The following ERICH3 variants were observed in gnomAD, a reference collection of about 807,000 sequenced individuals.
The protein encoded by ERICH3 is glutamate rich 3.
Under a neutral mutation model 131.1 loss-of-function variants are expected in ERICH3, and 126 were observed. The ratio of observed to expected loss-of-function variants is 0.96; its 90% CI spans 0.83 to 1.11. The LOEUF is 1.11. Ranked by LOEUF, ERICH3 falls within the 50% of genes most tolerant of loss-of-function variation. ERICH3 has a pLI of 0.00. For missense variants in ERICH3, 2,050 were observed against 1,810.7 expected (o/e 1.13, Z -2.40); for synonymous variants, 695 against 644.6 (o/e 1.08, Z -1.18).
intron 5 of ERICH3, among the ~76,000 whole-genome samples, chr1:74,640,896 G>C (rs866975279): frequency 6.6e-6 from 1 of 152,108 alleles, no homozygotes. Flanking sequence ...CCAGAGGTCA[G>C]AAAATATAGA....
At chr1:74,579,916 T>C in intron 12 of ERICH3, 2 of 980,436 alleles carry the variant, frequency 2.0e-6, no homozygotes, top group Non-Finnish European at 2.4e-6. Context: ...AAGTCAGCTT[T>C]TTTTTTTTCA....
rs758189061 is a variant in ERICH3, at chr1:74,646,713, C to A, written c.197G>T (p.Arg66Leu). 6.7e-7 allele frequency: 1 copy of A among 1,486,020 alleles called. No individual in the cohort carries two copies. The highest frequency in any genetic ancestry group is 1.4e-5 in the African/African-American group (1 of 71,292). The allele number at this position is 1,486,020 out of a possible 1,614,324, so 92.1% of individuals were successfully genotyped here. The change falls in exon 3 of 15, where the codon CGG becomes CTG. Residue 66 changes from arginine (R) to leucine (L), a missense_variant. Arg to Leu is a moderately radical substitution (Grantham distance 102, BLOSUM62 -2). Transcript: ENST00000326665. ...AAAAATTGCCTGGGCTAAGCATTCC[C>A]GGATATATTTTTGATGATCCCGCTT... ...MMKRDHQKYI[R>L]ECLAQAIFHK...
chr1:74,672,777 G>T (rs1437703141), intron 1 of ERICH3, among the ~76,000 whole-genome samples: 4 of 149,346 alleles, frequency 2.7e-5, no homozygotes, highest in Admixed American at 2.0e-4. Flanking sequence ...AATAAAAAAA[G>T]AAACTTTTTT....
intron 3 of ERICH3, among the ~76,000 whole-genome samples, chr1:74,645,804 T>C (rs746578965): frequency 2.3e-4 from 35 of 152,104 alleles, no homozygotes; most frequent in Non-Finnish European, 3.7e-4. Context: ...AGTGAACACT[T>C]CATCTACCTA....
chr1:74,655,250 A>C (rs1213977385), intron 1 of ERICH3, among the ~76,000 whole-genome samples: 1 of 152,222 alleles, frequency 6.6e-6, no homozygotes, highest in Non-Finnish European at 1.5e-5. Flanking sequence ...ATAAATTAAT[A>C]AAGTGTTCAT....
chr1:74,614,471 T>TA (rs1648861812), intron 8 of ERICH3, among the ~76,000 whole-genome samples: 1 of 148,716 alleles, frequency 6.7e-6, no homozygotes, highest in Non-Finnish European at 1.5e-5. Context: ...GGTCAGGAGA[T>TA]AGAGACCATC....
chr1:74,624,032 G>T (rs969770549), intron 7 of ERICH3: 9 of 152,134 alleles, frequency 5.9e-5, no homozygotes, highest in African/African-American at 2.2e-4. Context: ...CATGCCCCCA[G>T]TAACTTGCCA....
At chr1:74,598,484 T>TTTTATTTTTAATGAATA (rs1553163284) in intron 11 of ERICH3, among the ~76,000 whole-genome samples, 1 of 151,636 alleles carries the variant, frequency 6.6e-6, no homozygotes, top group African/African-American at 2.4e-5. Flanking sequence ...AATTAAAAAG[T>TTTTATTTTTAATGAATA]TCTGAATGAC....
At chr1:74,575,919 A>T (rs1024829502) in intron 13 of ERICH3, among the ~76,000 whole-genome samples, 20 of 145,770 alleles carry the variant, frequency 1.4e-4, no homozygotes, top group African/African-American at 5.4e-4. Context: ...TAGTATAAAA[A>T]CATGACTTTT....
chr1:74,653,902 G>A (rs564557790), intron 1 of ERICH3, among the ~76,000 whole-genome samples: 34 of 152,150 alleles, frequency 2.2e-4, no homozygotes, highest in South Asian at 4.1e-4. Context: ...GTTCAATTCT[G>A]GCTCCACCAT....
chr1:74,568,316 T>A lies in ERICH3; in HGVS notation c.*2142A>T, dbSNP rs1646895553. 6.6e-6 allele frequency: 1 copy of A among 152,188 alleles called. No individual in the cohort carries two copies. Among genetic ancestry groups the A allele is most frequent in the Non-Finnish European group, 1.5e-5 (1 of 67,988 alleles). The allele number at this position is 152,188 out of a possible 1,614,324, so 9.4% of individuals were successfully genotyped here. On this transcript the variant is annotated 3_prime_UTR_variant, in exon 15 of 15. Coordinates refer to ENST00000326665, the MANE Select transcript of ERICH3 (RefSeq NM_001002912.5). ...TATGGGATGTTTTGATGGAGTGTGT[T>A]AAATATAAAAGTAATCCAATGCAAT... is the stretch of plus-strand genomic sequence containing the variant.
chr1:74,575,089 C>A (rs1455846967), intron 13 of ERICH3, among the ~76,000 whole-genome samples: 1 of 152,088 alleles, frequency 6.6e-6, no homozygotes, highest in Non-Finnish European at 1.5e-5. Flanking sequence ...AACATCATCA[C>A]CAACAACCTA....
chr1:74,586,274 C>A (rs1290372424), intron 12 of ERICH3: 2 of 565,234 alleles, frequency 3.5e-6, no homozygotes, highest in African/African-American at 2.1e-5. Context: ...AAAAGCAAGT[C>A]TCAGAACAAA....
intron 11 of ERICH3, chr1:74,592,004 CTT>C (rs552100318): frequency 4.0e-4 from 61 of 152,278 alleles, no homozygotes; most frequent in African/African-American, 1.4e-3. Flanking sequence ...CGCTTATCCT[CTT>C]CTCTCCATGC....
intron 11 of ERICH3, 113 bp from the exon 12 acceptor site, chr1:74,590,193 T>A: frequency 1.1e-6 from 1 of 904,858 alleles, no homozygotes; most frequent in Admixed American, 2.9e-5. Context: ...TAGTTTAATA[T>A]AGACCTGATA....
rs149475064 is a variant in ERICH3, at chr1:74,579,907, A to C, written c.2177-2971T>G. 1.0e-3 allele frequency: 1,001 copies of C among 983,494 alleles called. 4 individuals are homozygous for C. The highest frequency in any genetic ancestry group is 8.9e-4 in the Non-Finnish European group (737 of 828,938). The allele number at this position is 983,494 out of a possible 1,614,324, so 60.9% of individuals were successfully genotyped here. On this transcript the variant is annotated intron_variant, in intron 12 of 14. Coordinates refer to ENST00000326665, the MANE Select transcript of ERICH3 (RefSeq NM_001002912.5). ...GTCACACACAGAAAATTTCTTAGAA[A>C]GTCAGCTTTTTTTTTTTCACTCAAA...
At chr1:74,623,087 T>G (rs1649284735) in intron 7 of ERICH3, 1 of 152,190 alleles carries the variant, frequency 6.6e-6, no homozygotes, top group South Asian at 2.1e-4. Context: ...AAATGAAACT[T>G]TAATAAGGTT....
At chr1:74,609,270 C>T (rs1025325060) in intron 9 of ERICH3, among the ~76,000 whole-genome samples, 3 of 152,028 alleles carry the variant, frequency 2.0e-5, no homozygotes, top group Non-Finnish European at 4.4e-5. Context: ...GGACCTTAAA[C>T]AGGTAATTCC....
rs183228952 is a variant in ERICH3 at position 74,576,925 on chromosome 1, A to T, written c.2188T>A (p.Leu730Met). ...AGAGCCAGGACATAGGCTAATGGCA[A>T]TGAATCCTTTCCTAGTTAAAAAAAA... ...PGLEEGGKDS[L>M]PLAYVLALGA... Residue 730 changes from leucine (L) to methionine (M), a missense_variant, in exon 13 of 15, where the codon TTG becomes ATG. Coordinates refer to ENST00000326665, the MANE Select transcript of ERICH3 (RefSeq NM_001002912.5). The T allele has an allele frequency of 1.2e-6, 2 of 1,601,926 alleles. No homozygotes were observed. Among genetic ancestry groups the T allele is most frequent in the Non-Finnish European group, 1.7e-6 (2 of 1,175,684 alleles).
Sources: allele counts gnomAD v4.1 joint callset (sites outside exome capture counted in the v4.1 genomes callset), GRCh38; gene constraint gnomAD v4.1.1; transcripts MANE v1.5; gene names NCBI Gene and HGNC (gene_info 2026-07-23, HGNC 2026-07-21).